The following VAV3 variants were observed in gnomAD, a reference collection of about 807,000 sequenced individuals.
VAV3 encodes the protein vav guanine nucleotide exchange factor 3.
A neutral mutation model predicts 131.2 loss-of-function variants in VAV3; 94 were observed. The observed-to-expected ratio is 0.72, with a 90% CI of 0.61 to 0.85. The LOEUF (loss-of-function observed/expected upper bound fraction) is 0.85. Ranked by LOEUF, VAV3 falls within the 40% of genes least tolerant of loss-of-function variation. The pLI is 0.00. For synonymous variants in VAV3, 349 were observed against 342.0 expected, an observed-to-expected ratio of 1.02 and a Z score of -0.22; for missense variants, 939 against 1,002.7, an observed-to-expected ratio of 0.94 and a Z score of 0.86.
At chr1:107,794,438 A>G (rs144613851) in intron 2 of VAV3, among the ~76,000 whole-genome samples, 13 of 152,362 alleles carry the variant, frequency 8.5e-5, no homozygotes, top group Non-Finnish European at 1.9e-4. Flanking sequence ...ACCTAAATAC[A>G]TTAAATTTAA....
Position 107,571,412 on chromosome 1 carries a change from G to A in VAV3, c.*1919C>T, listed in dbSNP as rs1488446515. 6.6e-6 allele frequency: 1 copy of A among 152,588 alleles called. No homozygotes were observed. Among genetic ancestry groups the A allele is most frequent in the Non-Finnish European group, 1.5e-5 (1 of 68,028 alleles). The allele number at this position is 152,588 out of a possible 1,614,324, so 9.5% of individuals were successfully genotyped here. A position where few individuals can be genotyped will look rare whatever the true frequency, so the allele number is the denominator to read the frequency against. On this transcript the variant is annotated 3_prime_UTR_variant, in exon 27 of 27. Transcript: ENST00000370056. ...AAAGGGGCTCCAATATCCTCTGCTAGGAAACCCCCAGGCCCATGAAATGCA... is the reference window on the plus strand; with the variant it reads ...AAAGGGGCTCCAATATCCTCTGCTAAGAAACCCCCAGGCCCATGAAATGCA...
At chr1:107,598,769 A>C (rs1651599342) in intron 24 of VAV3, among the ~76,000 whole-genome samples, 2 of 151,362 alleles carry the variant, frequency 1.3e-5, no homozygotes, top group South Asian at 4.2e-4. Context: ...TTTTTTTAAA[A>C]TATAAAGCAA....
At chr1:107,753,527 C>CACATATATATATATATATATACAT (rs752202122) in intron 12 of VAV3, among the ~76,000 whole-genome samples, 7 of 94,734 alleles carry the variant, frequency 7.4e-5, no homozygotes, top group Admixed American at 1.1e-4. Flanking sequence ...TATATATATA[C>CACATATATATATATATATATACAT]GTATATATAT....
chr1:107,675,852 T>C (rs1469092054), intron 19 of VAV3, among the ~76,000 whole-genome samples: 1 of 152,190 alleles, frequency 6.6e-6, no homozygotes, highest in East Asian at 1.9e-4. Flanking sequence ...AGATCAAATA[T>C]GTGGCAAGAA....
At chr1:107,862,694 A>G (rs892315659) in intron 2 of VAV3, 2 of 151,648 alleles carry the variant, frequency 1.3e-5, no homozygotes, top group Non-Finnish European at 1.5e-5. Flanking sequence ...CCTTAAGCCA[A>G]TGTGACAAGG....
chr1:107,881,360 T>C (rs146446702), intron 1 of VAV3, among the ~76,000 whole-genome samples: 106 of 152,318 alleles, frequency 7.0e-4, no homozygotes, highest in African/African-American at 2.3e-3. Flanking sequence ...ATTATAACTG[T>C]ACCTCTCTCT....
At chr1:107,596,886 T>C (rs931148317) in intron 24 of VAV3, among the ~76,000 whole-genome samples, 1 of 152,240 alleles carries the variant, frequency 6.6e-6, no homozygotes, top group African/African-American at 2.4e-5. Flanking sequence ...TAGCTCCGCA[T>C]ATCTGCTACT....
intron 19 of VAV3, chr1:107,672,318 G>A (rs576021049): frequency 1.4e-5 from 2 of 145,348 alleles, no homozygotes; most frequent in South Asian, 4.5e-4. Flanking sequence ...GTAAAATCTT[G>A]TAATGTAAAT....
At chr1:107,603,601 TAA>T (rs1378690186) in intron 22 of VAV3, among the ~76,000 whole-genome samples, 2 of 152,192 alleles carry the variant, frequency 1.3e-5, no homozygotes, top group African/African-American at 2.4e-5. Flanking sequence ...ATTCTAGCAA[TAA>T]GTTATTTTAA....
intron 15 of VAV3, among the ~76,000 whole-genome samples, chr1:107,723,957 G>C (rs1661675650): frequency 2.0e-5 from 3 of 152,024 alleles, no homozygotes; most frequent in Admixed American, 2.0e-4. Flanking sequence ...TAGCTATTAT[G>C]TCTCCATTTT....
rs577211253 is a variant in VAV3 at position 107,833,747 on chromosome 1, G to A, written c.321+41154C>T. Among the ~76,000 whole-genome samples, 62 of 152,296 alleles carry A rather than the reference G, an allele frequency of 4.1e-4. 1 individual carries two copies. Among genetic ancestry groups the A allele is most frequent in the African/African-American group, 1.5e-3 (61 of 41,582 alleles). On this transcript the variant is annotated intron_variant, in intron 2 of 26. Transcript: ENST00000370056. ...TAACCCCACCAAGCAATAGTGAAATGTTCTTGTTATTGTGAAGCTAGCAAA... is the reference window on the plus strand; with the variant it reads ...TAACCCCACCAAGCAATAGTGAAATATTCTTGTTATTGTGAAGCTAGCAAA...
intron 15 of VAV3, among the ~76,000 whole-genome samples, chr1:107,711,874 CG>C (rs1041194042): frequency 3.9e-5 from 6 of 151,950 alleles, no homozygotes; most frequent in African/African-American, 1.5e-4. Context: ...TTAATAGAGA[CG>C]GGGTTTCACC....
chr1:107,741,312 C>T (rs960605656), intron 15 of VAV3, among the ~76,000 whole-genome samples: 2 of 152,172 alleles, frequency 1.3e-5, no homozygotes, highest in Non-Finnish European at 2.9e-5. Context: ...TTTTGAATTG[C>T]TGGGTAACAT....
chr1:107,582,751 T>C (rs1435234916), intron 25 of VAV3, among the ~76,000 whole-genome samples: 2 of 152,190 alleles, frequency 1.3e-5, no homozygotes, highest in South Asian at 2.1e-4. Flanking sequence ...CTCATCATTT[T>C]TTATGGCTGC....
intron 15 of VAV3, among the ~76,000 whole-genome samples, chr1:107,744,590 A>T (rs1451638862): frequency 2.2e-4 from 33 of 152,224 alleles, no homozygotes; most frequent in Non-Finnish European, 2.9e-5. Context: ...TTCTTTTTTT[A>T]AAAAAACAAA....
chr1:107,609,008 G>C (rs891796236), intron 22 of VAV3, among the ~76,000 whole-genome samples: 1 of 152,124 alleles, frequency 6.6e-6, no homozygotes, highest in South Asian at 2.1e-4. Flanking sequence ...TTTGGGGGCA[G>C]TATAGCAATG....
At chr1:107,849,965 T>G (rs1033093861) in intron 2 of VAV3, among the ~76,000 whole-genome samples, 2 of 152,130 alleles carry the variant, frequency 1.3e-5, no homozygotes, top group African/African-American at 4.8e-5. Context: ...AACACACATA[T>G]GAAGAAAAGC....
At chr1:107,735,185 A>G (rs912010376) in intron 15 of VAV3, among the ~76,000 whole-genome samples, 5 of 152,230 alleles carry the variant, frequency 3.3e-5, no homozygotes, top group Non-Finnish European at 5.9e-5. Flanking sequence ...ACGTACCAGA[A>G]TCTCTGGGAC....
chr1:107,792,635 T>C (rs1420935356), intron 2 of VAV3, among the ~76,000 whole-genome samples: 1 of 152,222 alleles, frequency 6.6e-6, no homozygotes, highest in African/African-American at 2.4e-5. Context: ...TTATGTAAAA[T>C]AAAATGTCAA....
Sources: gnomAD v4.1 joint callset for allele counts (sites outside exome capture counted in the v4.1 genomes callset) on GRCh38, gnomAD v4.1.1 for gene constraint, MANE v1.5 for transcripts, NCBI Gene and HGNC (gene_info 2026-07-23, HGNC 2026-07-21) for gene names.